The following DAP variants were observed in gnomAD, a reference collection of about 807,000 sequenced individuals.
The protein encoded by DAP is death-associated protein 1.
Under a neutral mutation model 13.8 loss-of-function variants are expected in DAP, and 8 were observed. The ratio of observed to expected loss-of-function variants is 0.58; its 90% CI spans 0.34 to 1.05. The LOEUF is 1.05. Ranked by LOEUF, DAP falls within the 50% of genes least tolerant of loss-of-function variation. The pLI, the probability that DAP is intolerant of heterozygous loss-of-function variation, is 0.03. For synonymous variants in DAP, 47 were observed against 47.5 expected, an observed-to-expected ratio of 0.99 and a Z score of 0.04; for missense variants, 106 against 133.2, an observed-to-expected ratio of 0.80 and a Z score of 1.01.
Position 10,680,792 on chromosome 5 carries a change from G to A in DAP, c.*264C>T, listed in dbSNP as rs767380693. ...TAGAACTAAAGCTAAAATTTTTCTCGGATCTTGGCAAATTCTGCTAATGGC... is the reference window on the plus strand; with the variant it reads ...TAGAACTAAAGCTAAAATTTTTCTCAGATCTTGGCAAATTCTGCTAATGGC... On this transcript the variant is annotated 3_prime_UTR_variant, in exon 4 of 4. Coordinates refer to ENST00000230895, the MANE Select transcript of DAP (RefSeq NM_004394.3). 5 of 1,536,638 alleles carry A rather than the reference G, an allele frequency of 3.3e-6. No individual in the cohort carries two copies. The highest frequency in any genetic ancestry group is 4.9e-5 in the East Asian group (2 of 41,054).
At chr5:10,750,881 G>A (rs1264906265) in intron 1 of DAP, among the ~76,000 whole-genome samples, 1 of 152,198 alleles carries the variant, frequency 6.6e-6, no homozygotes, top group Non-Finnish European at 1.5e-5. Flanking sequence ...GATGCTACAC[G>A]TGTTTTTGTC....
chr5:10,715,397 C>G (rs1388697480), intron 2 of DAP, among the ~76,000 whole-genome samples: 1 of 152,178 alleles, frequency 6.6e-6, no homozygotes, highest in Non-Finnish European at 1.5e-5. Context: ...GCCACTCACT[C>G]CAGTTCTAAA....
chr5:10,749,449 A>T (rs1013824276), intron 1 of DAP, among the ~76,000 whole-genome samples: 1 of 151,452 alleles, frequency 6.6e-6, no homozygotes, highest in Non-Finnish European at 1.5e-5. Flanking sequence ...AATTCTCCAC[A>T]TGTTCCCGAC....
rs764819879 is a variant in DAP, at chr5:10,740,123, C to A, written c.152+8052G>T. On this transcript the variant is annotated intron_variant, in intron 2 of 3. Coordinates refer to ENST00000230895, the MANE Select transcript of DAP (RefSeq NM_004394.3). ...AATGGAAGCTATACATTTTTAAAAG[C>A]CAAATGGAAGTGGAAATGAAAAACA... Among the ~76,000 whole-genome samples the A allele has an allele frequency of 6.6e-5, 10 of 152,024 alleles. No individual in the cohort carries two copies. In the South Asian group the frequency reaches 1.0e-3, roughly 16 times the overall value.
intron 2 of DAP, chr5:10,734,337 G>C (rs572683423): frequency 2.6e-5 from 4 of 152,246 alleles, no homozygotes; most frequent in Admixed American, 6.5e-5. Context: ...TTCCACATCC[G>C]TTATGTAGCC....
rs1254470870 is a variant in DAP, at chr5:10,680,896, A to C, written c.*160T>G. 6.5e-7 allele frequency: 1 copy of C among 1,537,308 alleles called. No individual in the cohort carries two copies. Among genetic ancestry groups the C allele is most frequent in the Non-Finnish European group, 8.7e-7 (1 of 1,146,984 alleles). ...CAAGGTTTGGGCTGGAGCTGTTTCT[A>C]GTTTTAAATATGGAAATGTAAGGCA... On this transcript the variant is annotated 3_prime_UTR_variant, in exon 4 of 4. Transcript: ENST00000230895.
rs1437938761 is a variant in DAP, at chr5:10,680,410, GCTAC to G, written c.*642_*645del. The G allele has an allele frequency of 5.6e-6, 2 of 359,054 alleles. No homozygotes were observed. The highest frequency in any genetic ancestry group is 4.2e-5 in the African/African-American group (2 of 47,610). 22.2% of individuals were successfully genotyped at this position (359,054 alleles called of 1,614,324 possible). On this transcript the variant is annotated 3_prime_UTR_variant, in exon 4 of 4. Transcript: ENST00000230895. The stretch of plus-strand genomic sequence containing the variant: ...CTCATGCCAGAAGTCCTCCCTCGGA[GCTAC>G]CTGTCTCCAGCCTCATTCTTTGGCA...
At chr5:10,705,796 A>C (rs527376597) in intron 2 of DAP, among the ~76,000 whole-genome samples, 1 of 152,246 alleles carries the variant, frequency 6.6e-6, no homozygotes, top group East Asian at 1.9e-4. Context: ...TGATATACCT[A>C]TGTGTTGAAA....
intron 2 of DAP, among the ~76,000 whole-genome samples, chr5:10,739,861 G>A (rs1259631713): frequency 6.6e-6 from 1 of 151,770 alleles, no homozygotes; most frequent in Non-Finnish European, 1.5e-5. Flanking sequence ...TTTCTGGACT[G>A]ATGTAAATAT....
chr5:10,703,019 C>T (rs1738619769), intron 2 of DAP, among the ~76,000 whole-genome samples: 1 of 152,204 alleles, frequency 6.6e-6, no homozygotes, highest in Non-Finnish European at 1.5e-5. Context: ...CTTAAGTTTT[C>T]AACTTTCGTC....
rs1740349647 is a variant in DAP, at chr5:10,761,193, G to C, written c.-125C>G. 2.6e-6 allele frequency: 1 copy of C among 384,194 alleles called. No homozygotes were observed. The highest frequency in any genetic ancestry group is 4.0e-6 in the Non-Finnish European group (1 of 248,278). The allele number at this position is 384,194 out of a possible 1,614,324, so 23.8% of individuals were successfully genotyped here. On this transcript the variant is annotated 5_prime_UTR_variant, in exon 1 of 4. Transcript: ENST00000230895. Reference sequence around the variant, plus strand: ...GGCGGGAGAACGACGCGCGCGCGTGGGGCGCCGGGGCCGCGCGAGCCGGGT... The same window carrying C: ...GGCGGGAGAACGACGCGCGCGCGTGCGGCGCCGGGGCCGCGCGAGCCGGGT...
intron 2 of DAP, among the ~76,000 whole-genome samples, chr5:10,736,965 GGGCTCTGTGGCCCGT>G (rs1313080944): frequency 6.6e-6 from 1 of 152,216 alleles, no homozygotes; most frequent in Non-Finnish European, 1.5e-5. Context: ...GGCCAGTGCA[GGGCTCTGTGGCCCGT>G]GGCACTCCAG....
At chr5:10,723,180 C>T (rs1179946066) in intron 2 of DAP, among the ~76,000 whole-genome samples, 2 of 152,170 alleles carry the variant, frequency 1.3e-5, no homozygotes, top group Non-Finnish European at 2.9e-5. Context: ...AATGTTCAGT[C>T]CCTGTAAAAC....
At chr5:10,718,590 T>C (rs1739057093) in intron 2 of DAP, among the ~76,000 whole-genome samples, 1 of 152,142 alleles carries the variant, frequency 6.6e-6, no homozygotes, top group Non-Finnish European at 1.5e-5. Flanking sequence ...ACTCTCCCAT[T>C]TGGCCTGTGC....
chr5:10,714,473 A>C (rs1738931086), intron 2 of DAP, among the ~76,000 whole-genome samples: 1 of 152,264 alleles, frequency 6.6e-6, no homozygotes, highest in Admixed American at 6.5e-5. Context: ...AAAAATTACA[A>C]TTTAAAGTAA....
intron 2 of DAP, among the ~76,000 whole-genome samples, chr5:10,720,251 A>T (rs142954656): frequency 1.7e-3 from 259 of 151,880 alleles, no homozygotes; most frequent in East Asian, 0.011. Context: ...CCTCAAGCCC[A>T]GTCATACTTA....
At chr5:10,758,912 C>A (rs769777791) in intron 1 of DAP, among the ~76,000 whole-genome samples, 1 of 152,144 alleles carries the variant, frequency 6.6e-6, no homozygotes, top group Non-Finnish European at 1.5e-5. Flanking sequence ...CAGTTTATAC[C>A]TCTGACCTTA....
Position 10,679,666 on chromosome 5 carries a change from C to G in DAP, c.*1390G>C, listed in dbSNP as rs796389389. ...GCCTTGAAGGGTACATGCCGGCTTC[C>G]CTTAAGTTGATTAGATGGGAAACCA... On this transcript the variant is annotated 3_prime_UTR_variant, in exon 4 of 4. Transcript: ENST00000230895. The G allele has an allele frequency of 6.6e-5, 10 of 152,400 alleles. No homozygotes were observed. The highest frequency in any genetic ancestry group is 2.4e-4 in the African/African-American group (10 of 41,576). 9.4% of individuals were successfully genotyped at this position (152,400 alleles called of 1,614,324 possible). A position where few individuals can be genotyped will look rare whatever the true frequency, so the allele number is the denominator to read the frequency against.
At chr5:10,743,063 T>C (rs1739801384) in intron 2 of DAP, among the ~76,000 whole-genome samples, 1 of 150,572 alleles carries the variant, frequency 6.6e-6, no homozygotes, top group African/African-American at 2.5e-5. Flanking sequence ...TCTCTGACAG[T>C]GAGGAACTCG....
Sources: gnomAD v4.1 joint callset for allele counts (sites outside exome capture counted in the v4.1 genomes callset) on GRCh38, gnomAD v4.1.1 for gene constraint, MANE v1.5 for transcripts, NCBI Gene and HGNC (gene_info 2026-07-23, HGNC 2026-07-21) for gene names.